Variants in GPR137C observed in about 807,000 individuals in gnomAD.
The protein encoded by GPR137C is integral membrane protein GPR137C.
GPR137C carries 27 observed loss-of-function variants against 43.4 expected under a neutral mutation model. The ratio of observed to expected loss-of-function variants is 0.62; its 90% CI spans 0.46 to 0.86. The LOEUF is 0.86. Among genes scored for constraint, GPR137C ranks in the 40% least tolerant of loss-of-function variants. The probability of loss-of-function intolerance (pLI) is 0.00; values close to 1 mark genes in which losing one functional copy is unlikely to be tolerated. For missense variants in GPR137C, 522 were observed against 534.6 expected (o/e 0.98, Z 0.23); for synonymous variants, 285 against 226.9 (o/e 1.26, Z -2.30).
At chr14:52,573,687 C>A (rs2038506192) in intron 1 of GPR137C, among the ~76,000 whole-genome samples, 1 of 152,072 alleles carries the variant, frequency 6.6e-6, no homozygotes, top group African/African-American at 2.4e-5. Context: ...ACCAAAACAC[C>A]AAAAGCAATG....
At chr14:52,557,539 T>C (rs1048146613) in intron 1 of GPR137C, among the ~76,000 whole-genome samples, 5 of 152,234 alleles carry the variant, frequency 3.3e-5, no homozygotes, top group Admixed American at 6.5e-5. Context: ...TTGACTTTTA[T>C]CCATAACTGA....
At chr14:52,555,600 C>T (rs1358147478) in intron 1 of GPR137C, among the ~76,000 whole-genome samples, 1 of 152,048 alleles carries the variant, frequency 6.6e-6, no homozygotes, top group Non-Finnish European at 1.5e-5. Context: ...AGCTAATATT[C>T]CAAGCTAGTG....
In GPR137C at chr14:52,633,611, T is replaced by C. The variant is rs1188610312; in HGVS notation, c.949T>C (p.Ser317Pro). Residue 317 changes from serine (S) to proline (P), a missense_variant, in exon 5 of 7, where the codon TCG (serine) becomes CCG (proline). By Grantham distance (74) the Ser-to-Pro change is moderately conservative. Transcript: ENST00000321662. ...TCTGTGGGAACATGTGCCAGCATGG[T>C]CGGTGGTACTGTTTTTCCGGGCACA... ...LFLWEHVPAW[S>P]VVLFFRAQRL... 8.7e-6 allele frequency: 14 copies of C among 1,613,184 alleles called. No individual in the cohort carries two copies. The highest frequency in any genetic ancestry group is 1.0e-5 in the Non-Finnish European group (12 of 1,179,346).
intron 2 of GPR137C, among the ~76,000 whole-genome samples, chr14:52,598,684 G>T (rs2038886829): frequency 1.3e-5 from 2 of 152,142 alleles, no homozygotes; most frequent in Non-Finnish European, 2.9e-5. Flanking sequence ...TTTCAGTACT[G>T]ATCAATCTCA....
chr14:52,581,124 C>T (rs1404226767), intron 1 of GPR137C, among the ~76,000 whole-genome samples: 9 of 139,624 alleles, frequency 6.4e-5, no homozygotes, highest in Admixed American at 1.5e-4. Flanking sequence ...TGAACCCGGG[C>T]GGCAGAGGTT....
intron 3 of GPR137C, among the ~76,000 whole-genome samples, chr14:52,607,752 G>A (rs1423292607): frequency 6.6e-6 from 1 of 152,102 alleles, no homozygotes; most frequent in African/African-American, 2.4e-5. Flanking sequence ...GCGCATGCCT[G>A]TAATCCCAGC....
intron 1 of GPR137C, among the ~76,000 whole-genome samples, chr14:52,561,482 T>C (rs976084100): frequency 3.9e-5 from 6 of 152,134 alleles, no homozygotes; most frequent in Non-Finnish European, 7.3e-5. Flanking sequence ...ATTATAGATA[T>C]TTACCCAAGA....
chr14:52,554,556 T>A (rs539600863), intron 1 of GPR137C, among the ~76,000 whole-genome samples: 142 of 152,106 alleles, frequency 9.3e-4, no homozygotes, highest in Non-Finnish European at 1.8e-3. Context: ...CCCAAAAAAG[T>A]CCTCCTTCCC....
At chr14:52,592,627 CTGTT>C (rs556922019) in intron 1 of GPR137C, among the ~76,000 whole-genome samples, 10 of 152,248 alleles carry the variant, frequency 6.6e-5, no homozygotes, top group Admixed American at 2.0e-4. Flanking sequence ...ATTTGCCTCT[CTGTT>C]TGTCTGTTAT....
At chr14:52,606,702 A>T (rs991063293) in intron 3 of GPR137C, among the ~76,000 whole-genome samples, 1 of 151,986 alleles carries the variant, frequency 6.6e-6, no homozygotes, top group African/African-American at 2.4e-5. Context: ...TCTTTTTGTT[A>T]GTCTAGCTAA....
intron 3 of GPR137C, among the ~76,000 whole-genome samples, chr14:52,626,619 T>C (rs2039230422): frequency 6.6e-6 from 1 of 152,112 alleles, no homozygotes; most frequent in South Asian, 2.1e-4. Context: ...ACCATTTTTA[T>C]TCAATATTCC....
At chr14:52,629,318 G>A (rs191201232) in intron 3 of GPR137C, among the ~76,000 whole-genome samples, 12 of 152,144 alleles carry the variant, frequency 7.9e-5, no homozygotes, top group Non-Finnish European at 1.3e-4. Flanking sequence ...ATTTGTACAA[G>A]AATATTCAAA....
intron 1 of GPR137C, among the ~76,000 whole-genome samples, chr14:52,585,090 G>A (rs745845343): frequency 6.6e-6 from 1 of 152,054 alleles, no homozygotes. Context: ...CACAAGAAGT[G>A]ACCTTGCCAC....
rs780534036 is a variant in GPR137C at position 52,600,125 on chromosome 14, T to C, written c.501T>C (p.His167=). Residue 167 remains histidine (H), a synonymous_variant, in exon 3 of 7, where the codon CAT becomes CAC. Transcript: ENST00000321662. ...TELDRHKILL[H]LGFIMASLLF... is the part of the protein sequence containing the mutation. The stretch of plus-strand genomic sequence containing the variant: ...TTTTTTCTTTCAGAATTCTACTGCA[T>C]TTGGGCTTTATAATGGCAAGCCTGC... 2 of 1,612,536 alleles carry C rather than the reference T, an allele frequency of 1.2e-6. No homozygotes were observed. The highest frequency in any genetic ancestry group is 2.7e-5 in the African/African-American group (2 of 74,914).
intron 1 of GPR137C, among the ~76,000 whole-genome samples, chr14:52,565,348 A>G (rs1420144114): frequency 2.0e-5 from 3 of 152,198 alleles, no homozygotes; most frequent in Admixed American, 6.5e-5. Context: ...TATAATTTCC[A>G]TATACCAAGC....
chr14:52,593,344 A>G (rs2139511443), intron 1 of GPR137C, among the ~76,000 whole-genome samples: 1 of 152,310 alleles, frequency 6.6e-6, no homozygotes, highest in African/African-American at 2.4e-5. Context: ...TGCTGGCCCC[A>G]TAAAATGAGT....
intron 3 of GPR137C, among the ~76,000 whole-genome samples, chr14:52,603,019 T>C (rs2038944445): frequency 6.6e-6 from 1 of 152,192 alleles, no homozygotes; most frequent in Non-Finnish European, 1.5e-5. Context: ...AACTATAATT[T>C]CCATAATGTA....
rs1469027264 is a variant in GPR137C at position 52,633,640 on chromosome 14, A to C, written c.978A>C (p.Arg326Ser). The C allele has an allele frequency of 1.2e-6, 2 of 1,613,174 alleles. No homozygotes were observed. Residue 326 changes from arginine (R) to serine (S), a missense_variant, in exon 5 of 7, where the codon AGA becomes AGC. Physicochemically the swap from Arg to Ser is moderately radical, Grantham distance 110. Around this residue, in one of 3 missense-constraint regions of GPR137C, gnomAD observed 437 missense variants for 425.7 expected, o/e 1.03. Transcript: ENST00000321662. ...TGGTACTGTTTTTCCGGGCACAGAG[A>C]TTAAACCAGAATTTGGTATGATATA... ...WSVVLFFRAQ[R>S]LNQNLAPAGM...
intron 1 of GPR137C, among the ~76,000 whole-genome samples, chr14:52,575,310 G>A (rs896201594): frequency 1.3e-5 from 2 of 152,112 alleles, no homozygotes; most frequent in African/African-American, 4.8e-5. Flanking sequence ...TTGGAGGATC[G>A]CTTGAGCCCA....
Sources: allele counts gnomAD v4.1 joint callset (sites outside exome capture counted in the v4.1 genomes callset), GRCh38; gene constraint gnomAD v4.1.1; regional missense constraint gnomAD v4.1.1; transcripts MANE v1.5; gene names NCBI Gene and HGNC (gene_info 2026-07-23, HGNC 2026-07-21).